The following PAPPA2 variants were observed in gnomAD, a reference collection of about 807,000 sequenced individuals.
PAPPA2 encodes the protein pappalysin 2.
Under a neutral mutation model 176.4 loss-of-function variants are expected in PAPPA2, and 86 were observed. The observed-to-expected ratio is 0.49, with a 90% confidence interval of 0.41 to 0.58. The LOEUF (loss-of-function observed/expected upper bound fraction) is 0.58. Among genes scored for constraint, PAPPA2 ranks in the 20% least tolerant of loss-of-function variants. The pLI is 0.00. For synonymous variants in PAPPA2, 809 were observed against 852.2 expected, an observed-to-expected ratio of 0.95 and a Z score of 0.88; for missense variants, 2,073 against 2,256.9, an observed-to-expected ratio of 0.92 and a Z score of 1.65.
intron 15 of PAPPA2, among the ~76,000 whole-genome samples, chr1:176,766,659 G>A (rs1156726298): frequency 6.6e-6 from 1 of 152,198 alleles, no homozygotes; most frequent in East Asian, 1.9e-4. Flanking sequence ...TCAGTATTAT[G>A]AGCATGATCA....
intron 21 of PAPPA2, among the ~76,000 whole-genome samples, chr1:176,810,134 C>T (rs574336728): frequency 3.9e-4 from 60 of 152,212 alleles, no homozygotes; most frequent in South Asian, 4.2e-4. Context: ...CCAGTGCAGA[C>T]GCCCCACATT....
intron 1 of PAPPA2, among the ~76,000 whole-genome samples, chr1:176,466,174 G>A (rs1028968447): frequency 6.6e-6 from 1 of 152,064 alleles, no homozygotes; most frequent in Non-Finnish European, 1.5e-5. Context: ...TCATATAGAA[G>A]CTTAATGAGG....
intron 1 of PAPPA2, among the ~76,000 whole-genome samples, chr1:176,475,280 A>G (rs1042584579): frequency 1.3e-5 from 2 of 152,172 alleles, no homozygotes; most frequent in African/African-American, 4.8e-5. Context: ...TGTGAAATGA[A>G]TGGATGATTA....
chr1:176,616,100 C>T (rs1391869587), intron 3 of PAPPA2, among the ~76,000 whole-genome samples: 1 of 152,178 alleles, frequency 6.6e-6, no homozygotes, highest in African/African-American at 2.4e-5. Flanking sequence ...GTAACCCAAA[C>T]ACAGAGGTTG....
At chr1:176,525,580 C>T (rs537824648) in intron 1 of PAPPA2, among the ~76,000 whole-genome samples, 2 of 152,252 alleles carry the variant, frequency 1.3e-5, no homozygotes, top group East Asian at 3.9e-4. Flanking sequence ...GATTTCTGGG[C>T]CCCACTTCCA....
chr1:176,808,618 G>C (rs781398713), intron 21 of PAPPA2, among the ~76,000 whole-genome samples: 1 of 152,064 alleles, frequency 6.6e-6, no homozygotes, highest in Non-Finnish European at 1.5e-5. Flanking sequence ...CTCTGGTCTT[G>C]AGACAACAAG....
intron 12 of PAPPA2, among the ~76,000 whole-genome samples, chr1:176,735,592 G>A (rs1166092425): frequency 6.6e-6 from 1 of 152,004 alleles, no homozygotes; most frequent in Non-Finnish European, 1.5e-5. Flanking sequence ...TTCACCAGTG[G>A]CCAATGGTTA....
At chr1:176,832,943 C>T (rs1667132907) in intron 21 of PAPPA2, among the ~76,000 whole-genome samples, 1 of 152,032 alleles carries the variant, frequency 6.6e-6, no homozygotes. Flanking sequence ...TGCAGAGGTA[C>T]ACATTTGCCT....
At chr1:176,833,220 CG>C (rs1233107160) in intron 21 of PAPPA2, among the ~76,000 whole-genome samples, 6 of 152,214 alleles carry the variant, frequency 3.9e-5, no homozygotes, top group African/African-American at 7.2e-5. Flanking sequence ...AGATCCTTAA[CG>C]TCTTACTGTT....
At chr1:176,767,276 A>C (rs1664017512) in intron 15 of PAPPA2, among the ~76,000 whole-genome samples, 1 of 152,246 alleles carries the variant, frequency 6.6e-6, no homozygotes, top group African/African-American at 2.4e-5. Flanking sequence ...AAGCAAATTC[A>C]AAACAAAATG....
chr1:176,606,572 C>A (rs1412029691), intron 3 of PAPPA2, among the ~76,000 whole-genome samples: 6 of 152,188 alleles, frequency 3.9e-5, no homozygotes, highest in African/African-American at 1.4e-4. Flanking sequence ...TCAAGTGATT[C>A]TTCTGCCTCA....
chr1:176,488,607 C>T (rs900357107), intron 1 of PAPPA2, among the ~76,000 whole-genome samples: 2 of 152,108 alleles, frequency 1.3e-5, no homozygotes, highest in Non-Finnish European at 2.9e-5. Flanking sequence ...GGTTCAGATG[C>T]GAAACATCCA....
chr1:176,499,256 T>G (rs1384926565), intron 1 of PAPPA2, among the ~76,000 whole-genome samples: 1 of 152,242 alleles, frequency 6.6e-6, no homozygotes, highest in East Asian at 1.9e-4. Context: ...TCTTCTTAAA[T>G]TCTTGTATCC....
chr1:176,592,682 A>T (rs1317344532), intron 2 of PAPPA2, among the ~76,000 whole-genome samples: 1 of 152,180 alleles, frequency 6.6e-6, no homozygotes, highest in Non-Finnish European at 1.5e-5. Context: ...ATCTGAACGC[A>T]TACATCTACC....
At chr1:176,800,179 G>A in intron 21 of PAPPA2, 47 bp downstream of exon 21, 1 of 1,586,736 alleles carries the variant, frequency 6.3e-7, no homozygotes, top group Non-Finnish European at 8.7e-7. Context: ...AACTCAGGTG[G>A]ATTTAACTTA....
At chr1:176,522,005 C>G (rs1330924707) in intron 1 of PAPPA2, among the ~76,000 whole-genome samples, 3 of 152,088 alleles carry the variant, frequency 2.0e-5, no homozygotes, top group Non-Finnish European at 2.9e-5. Context: ...GGAAGACTCC[C>G]CAACATTACT....
intron 1 of PAPPA2, among the ~76,000 whole-genome samples, chr1:176,467,327 C>A (rs1651670957): frequency 6.6e-6 from 1 of 152,212 alleles, no homozygotes; most frequent in Non-Finnish European, 1.5e-5. Context: ...TTCAAGCAAG[C>A]TGAGGAGCTT....
At chr1:176,824,171 A>G (rs1666769888) in intron 21 of PAPPA2, among the ~76,000 whole-genome samples, 1 of 152,206 alleles carries the variant, frequency 6.6e-6, no homozygotes, top group Non-Finnish European at 1.5e-5. Context: ...TCAACAGTTT[A>G]TCAACACACA....
intron 2 of PAPPA2, among the ~76,000 whole-genome samples, chr1:176,563,220 C>G (rs767731196): frequency 3.9e-5 from 6 of 152,078 alleles, no homozygotes; most frequent in Non-Finnish European, 5.9e-5. Context: ...ACTGGAGTCT[C>G]TTTGTGGGAT....
Sources: gnomAD v4.1 joint callset for allele counts (sites outside exome capture counted in the v4.1 genomes callset) on GRCh38, gnomAD v4.1.1 for gene constraint, MANE v1.5 for transcripts, NCBI Gene and HGNC (gene_info 2026-07-23, HGNC 2026-07-21) for gene names.